The following FBXW7 variants were observed in gnomAD, a reference collection of about 807,000 sequenced individuals.
FBXW7 encodes F-box/WD repeat-containing protein 7.
In FBXW7, 11 loss-of-function variants were observed where a neutral mutation model predicts 86.3. That is an observed-to-expected ratio of 0.13 (90% CI 0.08 to 0.21). The LOEUF (loss-of-function observed/expected upper bound fraction) is 0.21. Among genes scored for constraint, FBXW7 ranks in the 10% least tolerant of loss-of-function variants. The pLI is 1.00. For synonymous variants in FBXW7, 313 were observed against 297.9 expected (o/e 1.05, Z -0.52); for missense variants, 488 against 847.4 (o/e 0.58, Z 5.27).
At chr4:152,492,441 A>AT (rs1745953825) in intron 2 of FBXW7, among the ~76,000 whole-genome samples, 1 of 152,194 alleles carries the variant, frequency 6.6e-6, no homozygotes, top group Non-Finnish European at 1.5e-5. Context: ...GCTTAAATTT[A>AT]TAAGAAATTG....
intron 2 of FBXW7, among the ~76,000 whole-genome samples, chr4:152,532,169 C>T (rs987091975): frequency 3.3e-5 from 5 of 152,204 alleles, no homozygotes; most frequent in African/African-American, 1.2e-4. Context: ...TTTGAAACTG[C>T]ACCAGTATCC....
At chr4:152,511,553 T>C (rs1460304803) in intron 2 of FBXW7, among the ~76,000 whole-genome samples, 1 of 152,182 alleles carries the variant, frequency 6.6e-6, no homozygotes, top group Non-Finnish European at 1.5e-5. Context: ...GGCATACATA[T>C]GAAATGATAC....
intron 2 of FBXW7, among the ~76,000 whole-genome samples, chr4:152,451,071 G>C (rs998729864): frequency 2.6e-5 from 4 of 152,062 alleles, no homozygotes; most frequent in African/African-American, 9.7e-5. Context: ...AGATGGAGCT[G>C]GAAGGCAAAC....
chr4:152,399,614 G>A (rs1214804242), intron 4 of FBXW7, among the ~76,000 whole-genome samples: 2 of 152,080 alleles, frequency 1.3e-5, no homozygotes, highest in African/African-American at 2.4e-5. Flanking sequence ...AAGGTTGCAA[G>A]ATATAAGATT....
At chr4:152,393,768 G>C (rs1736189068) in intron 4 of FBXW7, among the ~76,000 whole-genome samples, 1 of 152,024 alleles carries the variant, frequency 6.6e-6, no homozygotes, top group Non-Finnish European at 1.5e-5. Flanking sequence ...AACCAACCAA[G>C]TAATGCATCT....
chr4:152,437,057 T>C lies in FBXW7; in HGVS notation c.-119-24528A>G, dbSNP rs138248050. Among the ~76,000 whole-genome samples the C allele has an allele frequency of 4.0e-5, 6 of 151,888 alleles. No individual in the cohort carries two copies. In the East Asian group the frequency reaches 9.6e-4, roughly 24 times the overall value. Reference sequence around the variant, plus strand: ...TGTTTTAGAAATACATTAGCTGTTTTATATATATACATAGTGAATCCTCTG... The same window carrying C: ...TGTTTTAGAAATACATTAGCTGTTTCATATATATACATAGTGAATCCTCTG... On this transcript the variant is annotated intron_variant, in intron 2 of 13. Coordinates refer to ENST00000281708, the MANE Select transcript of FBXW7 (RefSeq NM_001349798.2).
chr4:152,481,029 T>C (rs1744831142), intron 2 of FBXW7, among the ~76,000 whole-genome samples: 1 of 152,232 alleles, frequency 6.6e-6, no homozygotes, highest in Non-Finnish European at 1.5e-5. Flanking sequence ...AACTCTCTAC[T>C]GGAAGAAGAA....
chr4:152,445,733 C>T (rs972546943), intron 2 of FBXW7, among the ~76,000 whole-genome samples: 3 of 151,922 alleles, frequency 2.0e-5, no homozygotes, highest in Admixed American at 6.6e-5. Context: ...CATGGCAGAA[C>T]CCCATCTCTA....
intron 8 of FBXW7, 129 bp downstream of exon 8, chr4:152,332,467 G>T: frequency 1.1e-6 from 1 of 928,280 alleles, no homozygotes; most frequent in Non-Finnish European, 1.4e-6. Context: ...CGGCTCATCT[G>T]AATGTGTAGA....
chr4:152,474,955 C>A (rs1012030507), intron 2 of FBXW7, among the ~76,000 whole-genome samples: 8 of 151,976 alleles, frequency 5.3e-5, no homozygotes, highest in African/African-American at 1.9e-4. Flanking sequence ...TGAGCCACCA[C>A]GCCCGGCATG....
intron 4 of FBXW7, among the ~76,000 whole-genome samples, chr4:152,388,809 G>A (rs75548680): frequency 0.014 from 2,083 of 152,082 alleles, 26 homozygotes; most frequent in Middle Eastern, 0.037. Context: ...TCCCTTGCAG[G>A]TTTAAGAGTA....
intron 2 of FBXW7, among the ~76,000 whole-genome samples, chr4:152,510,048 G>C (rs1169670037): frequency 4.6e-5 from 7 of 152,120 alleles, no homozygotes; most frequent in Admixed American, 1.3e-4. Flanking sequence ...CCTAAATATA[G>C]CCATTAAGAA....
intron 2 of FBXW7, among the ~76,000 whole-genome samples, chr4:152,504,315 C>T (rs1461660643): frequency 6.6e-6 from 1 of 152,094 alleles, no homozygotes; most frequent in Non-Finnish European, 1.5e-5. Context: ...AAAGATTTTA[C>T]ACTTTGTTCT....
intron 4 of FBXW7, among the ~76,000 whole-genome samples, chr4:152,359,196 T>C (rs1296046572): frequency 6.6e-6 from 1 of 152,034 alleles, no homozygotes; most frequent in Non-Finnish European, 1.5e-5. Context: ...AAACAATCAA[T>C]TGAGAAATAA....
chr4:152,402,376 A>G (rs1350611829), intron 4 of FBXW7, among the ~76,000 whole-genome samples: 5 of 152,228 alleles, frequency 3.3e-5, no homozygotes, highest in Non-Finnish European at 7.3e-5. Context: ...GGAGAAAAAC[A>G]AACTTAATAC....
chr4:152,380,369 A>G (rs1553965098), intron 4 of FBXW7, among the ~76,000 whole-genome samples: 1 of 152,062 alleles, frequency 6.6e-6, no homozygotes, highest in Non-Finnish European at 1.5e-5. Flanking sequence ...CAATCCCTCT[A>G]ATATTTCTAG....
At chr4:152,356,605 CAG>C (rs1732407852) in intron 4 of FBXW7, among the ~76,000 whole-genome samples, 1 of 152,134 alleles carries the variant, frequency 6.6e-6, no homozygotes, top group Non-Finnish European at 1.5e-5. Flanking sequence ...TTCAAAATTA[CAG>C]ACAGTTCAAA....
chr4:152,404,865 G>A (rs1737267215), intron 4 of FBXW7, among the ~76,000 whole-genome samples: 1 of 152,070 alleles, frequency 6.6e-6, no homozygotes, highest in South Asian at 2.1e-4. Flanking sequence ...GGCCCAGGCA[G>A]GAAGATCACC....
chr4:152,346,612 T>A (rs1456754284), intron 6 of FBXW7, among the ~76,000 whole-genome samples: 1 of 152,192 alleles, frequency 6.6e-6, no homozygotes, highest in African/African-American at 2.4e-5. Context: ...CCATCGCTAC[T>A]ATCCAATTCC....
Sources: gnomAD v4.1 joint callset for allele counts (sites outside exome capture counted in the v4.1 genomes callset) on GRCh38, gnomAD v4.1.1 for gene constraint, MANE v1.5 for transcripts, NCBI Gene and HGNC (gene_info 2026-07-23, HGNC 2026-07-21) for gene names.